Variants in CFAP418 observed in about 807,000 individuals in gnomAD.
CFAP418 encodes cilia and flagella associated protein 418, also known as cilia- and flagella-associated protein 418.
A neutral mutation model predicts 24.7 loss-of-function variants in CFAP418; 27 were observed. The observed-to-expected ratio is 1.09, with a 90% CI of 0.81 to 1.51. The LOEUF (loss-of-function observed/expected upper bound fraction) is 1.51, where lower values mean the gene tolerates loss of function less well. Ranked by LOEUF, CFAP418 falls within the 40% of genes most tolerant of loss-of-function variation. The probability of loss-of-function intolerance (pLI) is 0.00; values close to 1 mark genes in which losing one functional copy is unlikely to be tolerated. For synonymous variants in CFAP418, 74 were observed against 87.3 expected, an observed-to-expected ratio of 0.85 and a Z score of 0.85; for missense variants, 257 against 255.2, an observed-to-expected ratio of 1.01 and a Z score of -0.05.
intron 2 of CFAP418, among the ~76,000 whole-genome samples, chr8:95,261,916 AT>A (rs1244474454): frequency 2.0e-5 from 3 of 152,188 alleles, no homozygotes; most frequent in Admixed American, 6.5e-5. Flanking sequence ...AAATGATGTA[AT>A]TTTTTTCTAC....
At chr8:95,252,894 T>C (rs1811730209) in intron 4 of CFAP418, among the ~76,000 whole-genome samples, 1 of 152,222 alleles carries the variant, frequency 6.6e-6, no homozygotes. Context: ...AACTAGACTA[T>C]ATACTAACCT....
intron 2 of CFAP418, 67 bp downstream of exon 2, chr8:95,263,620 T>C: frequency 1.0e-6 from 1 of 999,694 alleles, no homozygotes. Context: ...GTGTCATCTT[T>C]AAGACTATTC....
chr8:95,268,863 A>G, intron 1 of CFAP418, 172 bp downstream of exon 1: 1 of 676,574 alleles, frequency 1.5e-6, no homozygotes, highest in Middle Eastern at 4.4e-4. Flanking sequence ...ATCCGCGAAG[A>G]GGGTCGACGA....
At chr8:95,257,504 A>G (rs1811810820) in intron 4 of CFAP418, among the ~76,000 whole-genome samples, 1 of 152,006 alleles carries the variant, frequency 6.6e-6, no homozygotes, top group Non-Finnish European at 1.5e-5. Context: ...CCCTCCAACA[A>G]TGTTTTTTTT....
intron 2 of CFAP418, among the ~76,000 whole-genome samples, chr8:95,260,998 C>A (rs2132162193): frequency 6.6e-6 from 1 of 152,248 alleles, no homozygotes; most frequent in Admixed American, 6.5e-5. Context: ...TAATTTTGAT[C>A]AAATGGAATG....
intron 5 of CFAP418, among the ~76,000 whole-genome samples, chr8:95,249,611 G>A (rs2132153091): frequency 6.6e-6 from 1 of 152,210 alleles, no homozygotes; most frequent in African/African-American, 2.4e-5. Flanking sequence ...TGAAACTGCA[G>A]TCCTGCACTC....
chr8:95,257,506 G>GT (rs146796524), intron 4 of CFAP418, among the ~76,000 whole-genome samples: 5 of 151,950 alleles, frequency 3.3e-5, no homozygotes, highest in East Asian at 1.9e-4. Flanking sequence ...CTCCAACAAT[G>GT]TTTTTTTTAA....
intron 5 of CFAP418, among the ~76,000 whole-genome samples, chr8:95,249,393 T>C (rs1170187723): frequency 1.3e-5 from 2 of 152,228 alleles, no homozygotes; most frequent in African/African-American, 2.4e-5. Flanking sequence ...CTGGGTGTGG[T>C]GGGTCATGCC....
rs1563470694 is a variant in CFAP418 at position 95,252,196 on chromosome 8, C to T, written c.462G>A (p.Leu154=). ...DYMWDKSCDY[L]FFRNNMPEFH... ...GTTCTTTAGCAACATACCTGAAAAA[C>T]AGATAATCACACGATTTGTCCCACA... Residue 154 remains leucine, a synonymous_variant, in exon 5 of 6, where the codon CTG becomes CTA. Transcript: ENST00000286688. The T allele has an allele frequency of 1.2e-6, 2 of 1,610,452 alleles. No homozygotes were observed. Among genetic ancestry groups the T allele is most frequent in the Non-Finnish European group, 1.7e-6 (2 of 1,178,084 alleles).
chr8:95,249,006 TG>T (rs529087042), intron 5 of CFAP418, among the ~76,000 whole-genome samples: 2 of 152,208 alleles, frequency 1.3e-5, no homozygotes, highest in Non-Finnish European at 2.9e-5. Context: ...GGAAACAGAC[TG>T]ACTAGCTAAA....
At chr8:95,253,227 G>A (rs1811735912) in intron 4 of CFAP418, among the ~76,000 whole-genome samples, 1 of 151,836 alleles carries the variant, frequency 6.6e-6, no homozygotes, top group Non-Finnish European at 1.5e-5. Context: ...GGAGAATGGC[G>A]TGAACCCGGG....
chr8:95,264,816 T>C (rs574754921), intron 1 of CFAP418, among the ~76,000 whole-genome samples: 3 of 152,326 alleles, frequency 2.0e-5, no homozygotes, highest in South Asian at 2.1e-4. Flanking sequence ...TACCTAATGG[T>C]TGATTCTGTC....
intron 2 of CFAP418, among the ~76,000 whole-genome samples, chr8:95,263,198 G>A (rs1463816793): frequency 6.6e-6 from 1 of 152,130 alleles, no homozygotes; most frequent in Non-Finnish European, 1.5e-5. Context: ...GTCATGGTAT[G>A]TTCAGTATAT....
intron 4 of CFAP418, among the ~76,000 whole-genome samples, chr8:95,253,376 G>T (rs1277507186): frequency 6.6e-6 from 1 of 152,072 alleles, no homozygotes; most frequent in Non-Finnish European, 1.5e-5. Context: ...GGTTGCATCA[G>T]GAGTGGTTGA....
chr8:95,261,738 A>T (rs1811895481), intron 2 of CFAP418, among the ~76,000 whole-genome samples: 1 of 152,204 alleles, frequency 6.6e-6, no homozygotes. Context: ...CTTCATGATT[A>T]TAAGAGCTAC....
chr8:95,245,086 T>C lies in CFAP418; in HGVS notation c.*2531A>G, dbSNP rs1262144053. 1 of 152,138 alleles carries C rather than the reference T, an allele frequency of 6.6e-6. No individual in the cohort carries two copies. Among genetic ancestry groups the C allele is most frequent in the Non-Finnish European group, 1.5e-5 (1 of 68,004 alleles). The allele number at this position is 152,138 out of a possible 1,614,324, so 9.4% of individuals were successfully genotyped here. ...GCTACTTGCTAAAGATAGAAAATTA[T>C]TATAAATCTTAAAAACAAACAGGCA... On this transcript the variant is annotated 3_prime_UTR_variant, in exon 6 of 6. Transcript: ENST00000286688.
At chr8:95,258,331 G>A (rs1178078983) in intron 4 of CFAP418, among the ~76,000 whole-genome samples, 2 of 140,198 alleles carry the variant, frequency 1.4e-5, no homozygotes, top group South Asian at 2.2e-4. Context: ...GCAGAGAGCC[G>A]AGACTGCGCC....
In CFAP418 at chr8:95,263,727, T is replaced by C. The variant is rs1307486379; in HGVS notation, c.203A>G (p.Asn68Ser). 14 of 1,609,738 alleles carry C rather than the reference T, an allele frequency of 8.7e-6. No homozygotes were observed. The highest frequency in any genetic ancestry group is 1.2e-5 in the Non-Finnish European group (14 of 1,176,762). Residue 68 changes from asparagine to serine, a missense_variant, in exon 2 of 6, where the codon AAT (asparagine) becomes AGT (serine). By Grantham distance (46) the Asn-to-Ser change is conservative (BLOSUM62 1). Coordinates refer to ENST00000286688, the MANE Select transcript of CFAP418 (RefSeq NM_177965.4). The part of the protein sequence containing the change: ...KKEDDLDSLI[N>S]EILEEPNLDK... ...CAAGTTGGGCTCTTCAAGTATTTCA[T>C]TAATAAGACTGTCAAGATCATCTTC...
At chr8:95,252,931 A>G (rs1478570507) in intron 4 of CFAP418, among the ~76,000 whole-genome samples, 1 of 152,242 alleles carries the variant, frequency 6.6e-6, no homozygotes, top group Non-Finnish European at 1.5e-5. Context: ...CAAGGTGCAC[A>G]CTAACATATA....
Sources: allele counts gnomAD v4.1 joint callset (sites outside exome capture counted in the v4.1 genomes callset), GRCh38; gene constraint gnomAD v4.1.1; transcripts MANE v1.5; gene names NCBI Gene and HGNC (gene_info 2026-07-23, HGNC 2026-07-21).